Variants in RGS6 observed in about 807,000 individuals in gnomAD.
RGS6 encodes the protein regulator of G-protein signaling 6.
In RGS6, 30 loss-of-function variants were observed where a neutral mutation model predicts 78.5. That is an observed-to-expected ratio of 0.38 (90% CI 0.29 to 0.52). The LOEUF is 0.52. Ranked by LOEUF, RGS6 falls within the 20% of genes least tolerant of loss-of-function variation. RGS6 has a pLI of 0.85. For missense variants in RGS6, 495 were observed against 609.7 expected (o/e 0.81, Z 1.98); for synonymous variants, 206 against 206.0 (o/e 1.00, Z 0.00).
At chr14:72,313,837 C>G (rs1567729033) in intron 2 of RGS6, among the ~76,000 whole-genome samples, 1 of 152,162 alleles carries the variant, frequency 6.6e-6, no homozygotes, top group Non-Finnish European at 1.5e-5. Flanking sequence ...AAAGCTTGCA[C>G]TTCACAGAAG....
chr14:72,444,402 C>G (rs973007453), intron 3 of RGS6, among the ~76,000 whole-genome samples: 1 of 152,168 alleles, frequency 6.6e-6, no homozygotes, highest in Non-Finnish European at 1.5e-5. Context: ...TGGGGGAGAA[C>G]AGTGGCCAAG....
chr14:72,276,420 T>C (rs1212654845), intron 2 of RGS6, among the ~76,000 whole-genome samples: 1 of 152,188 alleles, frequency 6.6e-6, no homozygotes, highest in Non-Finnish European at 1.5e-5. Flanking sequence ...GCACATAGAT[T>C]GATATATATA....
intron 2 of RGS6, among the ~76,000 whole-genome samples, chr14:72,204,904 A>G (rs1271270639): frequency 6.6e-6 from 1 of 152,152 alleles, no homozygotes; most frequent in African/African-American, 2.4e-5. Context: ...ACTCTTTAAT[A>G]TAAGATTAAA....
At chr14:72,534,803 G>A (rs2097225699) in intron 15 of RGS6, among the ~76,000 whole-genome samples, 1 of 152,136 alleles carries the variant, frequency 6.6e-6, no homozygotes, top group African/African-American at 2.4e-5. Context: ...CCAAGGAAGA[G>A]GTCCTTAATG....
chr14:72,226,956 G>A (rs1328077934), intron 2 of RGS6, among the ~76,000 whole-genome samples: 1 of 152,170 alleles, frequency 6.6e-6, no homozygotes, highest in African/African-American at 2.4e-5. Context: ...CAAAGTGGAG[G>A]CATTACAGGC....
the RGS6 span, among the ~76,000 whole-genome samples, chr14:72,590,143 C>T: frequency 3.3e-5 from 5 of 152,156 alleles, no homozygotes; most frequent in Admixed American, 6.5e-5. Flanking sequence ...CAATACCAAG[C>T]GTTGCAAAGA....
At chr14:72,544,197 C>T (rs1170658952) in intron 17 of RGS6, among the ~76,000 whole-genome samples, 1 of 152,208 alleles carries the variant, frequency 6.6e-6, no homozygotes, top group Non-Finnish European at 1.5e-5. Flanking sequence ...CAGCAGCTCC[C>T]TTGTTGAGAT....
At chr14:72,160,344 TAAA>T (rs764498738) in intron 2 of RGS6, among the ~76,000 whole-genome samples, 7 of 152,080 alleles carry the variant, frequency 4.6e-5, no homozygotes, top group African/African-American at 1.4e-4. Context: ...AATAAATATG[TAAA>T]AAAGTCATCA....
At chr14:72,247,408 CTT>C (rs1461873666) in intron 2 of RGS6, among the ~76,000 whole-genome samples, 1 of 152,180 alleles carries the variant, frequency 6.6e-6, no homozygotes, top group African/African-American at 2.4e-5. Flanking sequence ...CCTCTCATAA[CTT>C]TATGTGATCA....
At chr14:72,321,662 T>C (rs2072079721) in intron 2 of RGS6, among the ~76,000 whole-genome samples, 1 of 151,996 alleles carries the variant, frequency 6.6e-6, no homozygotes, top group Non-Finnish European at 1.5e-5. Flanking sequence ...CTAATAGTCA[T>C]TAAGTGTTTC....
At chr14:71,951,125 CT>C (rs1187966977) in intron 1 of RGS6, among the ~76,000 whole-genome samples, 2 of 152,082 alleles carry the variant, frequency 1.3e-5, no homozygotes, top group Non-Finnish European at 2.9e-5. Context: ...CATTGCAGCA[CT>C]TTTCATGATA....
chr14:71,960,181 A>G (rs2093085420), intron 1 of RGS6, among the ~76,000 whole-genome samples: 1 of 152,182 alleles, frequency 6.6e-6, no homozygotes, highest in South Asian at 2.1e-4. Flanking sequence ...ACTTTCAATG[A>G]TTCACGAATC....
chr14:71,910,133 T>A, the RGS6 span, among the ~76,000 whole-genome samples: 1 of 152,134 alleles, frequency 6.6e-6, no homozygotes, highest in African/African-American at 2.4e-5. Flanking sequence ...GAGTTTGCAG[T>A]GAGCCAAGAT....
intron 3 of RGS6, among the ~76,000 whole-genome samples, chr14:72,410,581 C>T (rs1450736815): frequency 6.6e-6 from 1 of 152,176 alleles, no homozygotes; most frequent in African/African-American, 2.4e-5. Context: ...AATTAGATCC[C>T]ATTTGTCAAT....
intron 2 of RGS6, among the ~76,000 whole-genome samples, chr14:72,007,267 C>T (rs1459612594): frequency 6.6e-6 from 1 of 151,968 alleles, no homozygotes; most frequent in Non-Finnish European, 1.5e-5. Context: ...TTCCCAGCCT[C>T]CCCACATGGT....
the RGS6 span, among the ~76,000 whole-genome samples, chr14:71,925,712 C>CATATTATATTATATTATATTATATT: frequency 3.5e-4 from 34 of 96,290 alleles, no homozygotes; most frequent in African/African-American, 1.6e-3. Context: ...TAGATGACTT[C>CATATTATATTATATTATATTATATT]ATATTATATT....
chr14:72,534,589 A>G (rs2097221919), intron 15 of RGS6, among the ~76,000 whole-genome samples: 1 of 152,024 alleles, frequency 6.6e-6, no homozygotes, highest in Non-Finnish European at 1.5e-5. Context: ...TCCTTTACCC[A>G]TTTATCTATT....
chr14:72,373,928 CTT>C (rs927496395), intron 3 of RGS6, among the ~76,000 whole-genome samples: 7 of 151,462 alleles, frequency 4.6e-5, no homozygotes, highest in Non-Finnish European at 1.0e-4. Context: ...ATTTGATAGT[CTT>C]TTTTTAAAAG....
chr14:71,983,248 C>A (rs1258854148), intron 2 of RGS6, among the ~76,000 whole-genome samples: 1 of 152,118 alleles, frequency 6.6e-6, no homozygotes, highest in Non-Finnish European at 1.5e-5. Flanking sequence ...AAACTCTGGA[C>A]AGAGGGAATA....
Sources: allele counts gnomAD v4.1 joint callset (sites outside exome capture counted in the v4.1 genomes callset), GRCh38; gene constraint gnomAD v4.1.1; transcripts MANE v1.5; gene names NCBI Gene and HGNC (gene_info 2026-07-23, HGNC 2026-07-21).